The following ICAM5 variants were observed in gnomAD, a reference collection of about 807,000 sequenced individuals.
ICAM5 encodes the protein ICAM-5.
In ICAM5, 38 loss-of-function variants were observed where a neutral mutation model predicts 78.8. The ratio of observed to expected loss-of-function variants is 0.48; its 90% CI spans 0.37 to 0.63. The LOEUF (loss-of-function observed/expected upper bound fraction) is 0.63, where lower values mean the gene tolerates loss of function less well. Ranked by LOEUF, ICAM5 falls within the 30% of genes least tolerant of loss-of-function variation. The pLI is 0.00. For missense variants in ICAM5, 1,059 were observed against 1,303.0 expected (o/e 0.81, Z 2.88); for synonymous variants, 544 against 590.9 (o/e 0.92, Z 1.15).
Position 10,291,112 on chromosome 19 carries a change from C to T in ICAM5, c.123C>T (p.Arg41=). 1 of 1,611,978 alleles carries T rather than the reference C, an allele frequency of 6.2e-7. No individual in the cohort carries two copies. The highest frequency in any genetic ancestry group is 8.5e-7 in the Non-Finnish European group (1 of 1,179,546). Residue 41 remains arginine (R), a synonymous_variant, in exon 2 of 11, where the codon CGC becomes CGT. Transcript: ENST00000221980. ...CCTTCTGGGCGGACCTGCAGCCTCG[C>T]GTGGCGTTCGTGGAGCGCGGGGGCT... The part of the protein sequence containing the change: ...QEPFWADLQP[R]VAFVERGGSL...
At chr19:10,291,010 A>G in intron 1 of ICAM5, 62 bp from the exon 2 acceptor site, 4 of 1,532,336 alleles carry the variant, frequency 2.6e-6, no homozygotes, top group Non-Finnish European at 3.5e-6. Flanking sequence ...TTGACTCGAC[A>G]TAGGGGCGCT....
At position 10,291,804 on chromosome 19, in the gene ICAM5, C is replaced by G; in HGVS notation, c.668C>G (p.Thr223Ser). 6.2e-7 allele frequency: 1 copy of G among 1,609,198 alleles called. No homozygotes were observed. The highest frequency in any genetic ancestry group is 8.5e-7 in the Non-Finnish European group (1 of 1,178,432). The change falls in exon 3 of 11, where the codon ACC (threonine) becomes AGC (serine). Residue 223 changes from threonine (T) to serine (S), a missense_variant. Physicochemically the swap from Thr to Ser is moderately conservative, Grantham distance 58. Coordinates refer to ENST00000221980, the MANE Select transcript of ICAM5 (RefSeq NM_003259.4). ...AGCTCGGCCCCCAGAGAGCTCCGAA[C>G]CTTCTGTGAGTGGGTGTGGGGAGGA... ...ENSSAPRELR[T>S]FSLSPDAPRL... is the part of the protein sequence containing the mutation.
Position 10,291,478 on chromosome 19 carries a change from C to A in ICAM5, c.353-11C>A. Reference sequence around the variant, plus strand: ...GGTGTTCAAAGAGCTGCGGACTCTTCCCCCTTGCAGAGCGACCAGATCGCG... The same window carrying A: ...GGTGTTCAAAGAGCTGCGGACTCTTACCCCTTGCAGAGCGACCAGATCGCG... On this transcript the variant is annotated splice_polypyrimidine_tract_variant and intron_variant, in intron 2 of 10. Transcript: ENST00000221980. 6.2e-7 allele frequency: 1 copy of A among 1,611,956 alleles called. No individual in the cohort carries two copies. The highest frequency in any genetic ancestry group is 8.5e-7 in the Non-Finnish European group (1 of 1,179,650).
At position 10,294,207 on chromosome 19, in the gene ICAM5, C is replaced by T. The variant is rs368353402; in HGVS notation, c.1879C>T (p.Pro627Ser). 2.4e-5 allele frequency: 38 copies of T among 1,613,976 alleles called. No homozygotes were observed. The highest frequency in any genetic ancestry group is 2.9e-5 in the Non-Finnish European group (34 of 1,180,032). Residue 627 changes from proline (P) to serine (S), a missense_variant, in exon 8 of 11, where the codon CCT becomes TCT. Physicochemically the swap from Pro to Ser is moderately conservative, Grantham distance 74 (BLOSUM62 -1). Transcript: ENST00000221980. This position sits in a 1 kb window ranked among gnomAD's most constrained non-coding sequence, Gnocchi z 7.7. ...GVLLPLAPPD[P>S]SPRAPRIPRV... ...GCTGCTGCCGCTGGCACCCCCAGAC[C>T]CTAGTCCCAGAGCTCCCAGAATCCC...
At chr19:10,291,375 A>G (rs867599263) in intron 2 of ICAM5, 34 bp downstream of exon 2, 1 of 1,600,664 alleles carries the variant, frequency 6.2e-7, no homozygotes, top group Non-Finnish European at 8.5e-7. Flanking sequence ...GTACTCCACT[A>G]CTCTCCCTCC....
chr19:10,293,166 G>T lies in ICAM5; in HGVS notation c.1385G>T (p.Arg462Leu). 6.2e-7 allele frequency: 1 copy of T among 1,611,436 alleles called. No individual in the cohort carries two copies. Among genetic ancestry groups the T allele is most frequent in the Non-Finnish European group, 8.5e-7 (1 of 1,179,140 alleles). Residue 462 changes from arginine (R) to leucine (L), a missense_variant, in exon 6 of 11, where the codon CGG becomes CTG. Arg to Leu is a moderately radical substitution (Grantham distance 102). Coordinates refer to ENST00000221980, the MANE Select transcript of ICAM5 (RefSeq NM_003259.4). This position sits in a 1 kb window ranked among gnomAD's most constrained non-coding sequence, Gnocchi z 5.0. ...LALGLLGPVT[R>L]ALSGTYRCKA... ...CTGGGCCTGCTGGGTCCAGTCACTCGGGCGCTCTCAGGCACTTACCGCTGC... is the reference window on the plus strand; with the variant it reads ...CTGGGCCTGCTGGGTCCAGTCACTCTGGCGCTCTCAGGCACTTACCGCTGC...
At position 10,293,675 on chromosome 19, in the gene ICAM5, C is replaced by T. The variant is rs1189165331; in HGVS notation, c.1466-23C>T. 1 of 1,607,158 alleles carries T rather than the reference C, an allele frequency of 6.2e-7. No homozygotes were observed. Among genetic ancestry groups the T allele is most frequent in the Non-Finnish European group, 8.5e-7 (1 of 1,175,298 alleles). On this transcript the variant is annotated intron_variant, in intron 6 of 10. Coordinates refer to ENST00000221980, the MANE Select transcript of ICAM5 (RefSeq NM_003259.4). The surrounding 1 kb of genome is among the most constrained non-coding windows in gnomAD (Gnocchi z 5.0). ...CAGATTTGCCCCCAAACCCCAAAGCCAACAATACACTCCCTCCTCCAGACG... is the reference window on the plus strand; with the variant it reads ...CAGATTTGCCCCCAAACCCCAAAGCTAACAATACACTCCCTCCTCCAGACG...
At position 10,291,828 on chromosome 19, in the gene ICAM5, G is replaced by T. The variant is rs759899104; in HGVS notation, c.673+19G>T. On this transcript the variant is annotated intron_variant, in intron 3 of 10. Transcript: ENST00000221980. ...ACCTTCTGTGAGTGGGTGTGGGGAG[G>T]AGATGGGGACCCAGTGGGGTCGGTC... 1.9e-6 allele frequency: 3 copies of T among 1,601,712 alleles called. No individual in the cohort carries two copies. The highest frequency in any genetic ancestry group is 2.6e-6 in the Non-Finnish European group (3 of 1,174,298).
chr19:10,292,100 G>GAGGAGGAGGAGAGGC lies in ICAM5; in HGVS notation c.739_740insAGGAGGAGGAGAGGC (p.Val247delinsGluGluGluGluArgLeu). On this transcript the variant is annotated protein_altering_variant, in exon 4 of 11. Transcript: ENST00000221980. ...CTTGGAAGTTGGCTCGGAAAGGCCC[G>GAGGAGGAGGAGAGGC]TGAGCTGCACTCTGGACGGACTGTT... The GAGGAGGAGGAGAGGC allele has an allele frequency of 6.2e-7, 1 of 1,613,318 alleles. No homozygotes were observed. The highest frequency in any genetic ancestry group is 8.5e-7 in the Non-Finnish European group (1 of 1,179,986).
rs2040197078 is a variant in ICAM5, at chr19:10,293,814, C to A, written c.1582C>A (p.Arg528Ser). ...ACCGCCGCCTGATGTGATCTGCGTG[C>A]GCTCTGGAGAACTCGGGGCCGTCAT... Reference protein sequence around the residue: ...GVPPPDVICVRSGELGAVIEG... With the variant: ...GVPPPDVICVSSGELGAVIEG... The change falls in exon 7 of 11, where the codon CGC (arginine) becomes AGC (serine). Residue 528 changes from arginine to serine, a missense_variant. By Grantham distance (110) the Arg-to-Ser change is moderately radical (BLOSUM62 -1). Coordinates refer to ENST00000221980, the MANE Select transcript of ICAM5 (RefSeq NM_003259.4). The surrounding 1 kb of genome is among the most constrained non-coding windows in gnomAD (Gnocchi z 5.0). 6.2e-7 allele frequency: 1 copy of A among 1,613,526 alleles called. No individual in the cohort carries two copies. Among genetic ancestry groups the A allele is most frequent in the Non-Finnish European group, 8.5e-7 (1 of 1,180,032 alleles).
chr19:10,294,534 ATGGCC>A lies in ICAM5; in HGVS notation c.2127_2131del (p.Trp709Ter). 1 of 1,609,862 alleles carries A rather than the reference ATGGCC, an allele frequency of 6.2e-7. No homozygotes were observed. The highest frequency in any genetic ancestry group is 8.5e-7 in the Non-Finnish European group (1 of 1,178,150). On this transcript the variant is annotated frameshift_variant, in exon 9 of 11. Coordinates refer to ENST00000221980, the MANE Select transcript of ICAM5 (RefSeq NM_003259.4). LOFTEE classifies it high-confidence loss of function. This position sits in a 1 kb window ranked among gnomAD's most constrained non-coding sequence, Gnocchi z 7.7. ...TGCGCTGCTCTCGGGAAGGCATCCC[ATGGCC>A]TGAGCAGCAGCGCGTGTCCCGAGAG... is the stretch of plus-strand genomic sequence containing the variant.
At position 10,291,569 on chromosome 19, in the gene ICAM5, C is replaced by A; in HGVS notation, c.433C>A (p.Pro145Thr). Residue 145 changes from proline (P) to threonine (T), a missense_variant, in exon 3 of 11, where the codon CCC becomes ACC. Physicochemically the swap from Pro to Thr is conservative, Grantham distance 38. Around this residue, in one of 3 missense-constraint regions of ICAM5, gnomAD observed 815 missense variants for 952.8 expected, o/e 0.86. Transcript: ENST00000221980. ...GAACTTCACCCTGAGCTGTAGGGTC[C>A]CCGGCGCCGGGCCCCGTGCGAGCCT... ...GENFTLSCRV[P>T]GAGPRASLTL... 6.2e-7 allele frequency: 1 copy of A among 1,612,540 alleles called. No individual in the cohort carries two copies. Among genetic ancestry groups the A allele is most frequent in the Non-Finnish European group, 8.5e-7 (1 of 1,179,914 alleles).
In ICAM5 at chr19:10,295,367, T is replaced by G. The variant is rs2040211449; in HGVS notation, c.2252T>G (p.Leu751Arg). Residue 751 changes from leucine (L) to arginine (R), a missense_variant, in exon 10 of 11, where the codon CTT becomes CGT. Coordinates refer to ENST00000221980, the MANE Select transcript of ICAM5 (RefSeq NM_003259.4). ...GVEYRPVVAE[L>R]AASPPGGVRP... Reference sequence around the variant, plus strand: ...TCAGACCGGCCAGTGGTGGCCGAACTTGCTGCCTCGCCCCCTGGAGGCGTG... The same window carrying G: ...TCAGACCGGCCAGTGGTGGCCGAACGTGCTGCCTCGCCCCCTGGAGGCGTG... 6.4e-7 allele frequency: 1 copy of G among 1,572,130 alleles called. No individual in the cohort carries two copies. The highest frequency in any genetic ancestry group is 1.4e-5 in the African/African-American group (1 of 73,818).
Position 10,290,055 on chromosome 19 carries a change from T to C in ICAM5, c.12T>C (p.Pro4=), listed in dbSNP as rs1010491988. Residue 4 remains proline, a synonymous_variant, in exon 1 of 11, where the codon CCT becomes CCC. Coordinates refer to ENST00000221980, the MANE Select transcript of ICAM5 (RefSeq NM_003259.4). The surrounding 1 kb of genome is among the most constrained non-coding windows in gnomAD (Gnocchi z 5.7). MPG[P]SPGLRRALLG... Reference sequence around the variant, plus strand: ...TCCCCGCCGCGGCGATGCCAGGGCCTTCGCCAGGGCTGCGCCGGGCGCTAC... The same window carrying C: ...TCCCCGCCGCGGCGATGCCAGGGCCCTCGCCAGGGCTGCGCCGGGCGCTAC... 1 of 1,541,538 alleles carries C rather than the reference T, an allele frequency of 6.5e-7. No homozygotes were observed. The highest frequency in any genetic ancestry group is 8.7e-7 in the Non-Finnish European group (1 of 1,145,184).
At position 10,296,666 on chromosome 19, in the gene ICAM5, G is replaced by C. The variant is rs1176254057; in HGVS notation, c.*50G>C. 27 of 1,196,220 alleles carry C rather than the reference G, an allele frequency of 2.3e-5. No homozygotes were observed. The highest frequency in any genetic ancestry group is 2.7e-5 in the Non-Finnish European group (26 of 962,342). 74.1% of individuals were successfully genotyped at this position (1,196,220 alleles called of 1,614,324 possible). A position where few individuals can be genotyped will look rare whatever the true frequency, so the allele number is the denominator to read the frequency against. On this transcript the variant is annotated 3_prime_UTR_variant, in exon 11 of 11. Transcript: ENST00000221980. ...CGGGGGACGCCCCCCAGACTCACAC[G>C]GGGGCTTATTTATTGCTTTATTTAT...
Position 10,293,881 on chromosome 19 carries a change from A to T in ICAM5, c.1649A>T (p.Tyr550Phe). The change falls in exon 7 of 11, where the codon TAC (tyrosine) becomes TTC (phenylalanine). Residue 550 changes from tyrosine (Y) to phenylalanine (F), a missense_variant. Tyr to Phe is a conservative substitution (Grantham distance 22). This residue lies in a region of ICAM5 where 815 missense variants were observed against 952.8 expected (regional missense o/e 0.86). Transcript: ENST00000221980. This position sits in a 1 kb window ranked among gnomAD's most constrained non-coding sequence, Gnocchi z 5.0. ...GTGGCCCGGGAGCATGCGGGCACTT[A>T]CCGCTGCGAAGCCACCAACCCTCGG... ...LRVAREHAGT[Y>F]RCEATNPRGS... is the part of the protein sequence containing the mutation. The T allele has an allele frequency of 6.2e-7, 1 of 1,611,554 alleles. No homozygotes were observed. Among genetic ancestry groups the T allele is most frequent in the South Asian group, 1.1e-5 (1 of 91,072 alleles).
At chr19:10,295,035 C>T (rs1388326537) in intron 9 of ICAM5, among the ~76,000 whole-genome samples, 2 of 152,124 alleles carry the variant, frequency 1.3e-5, no homozygotes, top group Non-Finnish European at 2.9e-5. Flanking sequence ...CCAGCCTGGG[C>T]AACAGAGTGA....
rs2040194886 is a variant in ICAM5, at chr19:10,293,642, A to G, written c.1466-56A>G. The G allele has an allele frequency of 2.5e-6, 4 of 1,590,402 alleles. No homozygotes were observed. Among genetic ancestry groups the G allele is most frequent in the Admixed American group, 3.4e-5 (2 of 58,932 alleles). On this transcript the variant is annotated intron_variant, in intron 6 of 10. Transcript: ENST00000221980. This position sits in a 1 kb window ranked among gnomAD's most constrained non-coding sequence, Gnocchi z 5.0. ...AGCCTTGCCGCGCCAAGGAGGGTCTAGGGACGTCAGATTTGCCCCCAAACC... is the reference window on the plus strand; with the variant it reads ...AGCCTTGCCGCGCCAAGGAGGGTCTGGGGACGTCAGATTTGCCCCCAAACC...
Position 10,292,136 on chromosome 19 carries a change from G to A in ICAM5, c.775G>A (p.Glu259Lys). The stretch of plus-strand genomic sequence containing the variant: ...TCTGGACGGACTGTTTCCAGCCTCA[G>A]AGGCCAGGGTCTACCTCGCACTGGG... ...CTLDGLFPAS[E>K]ARVYLALGDQ... The change falls in exon 4 of 11, where the codon GAG (glutamate) becomes AAG (lysine). Residue 259 changes from glutamate to lysine, a missense_variant. Around this residue, in one of 3 missense-constraint regions of ICAM5, gnomAD observed 815 missense variants for 952.8 expected, o/e 0.86. Transcript: ENST00000221980. The A allele has an allele frequency of 6.2e-7, 1 of 1,613,418 alleles. No homozygotes were observed.
Sources: gnomAD v4.1 joint callset for allele counts (sites outside exome capture counted in the v4.1 genomes callset) on GRCh38, gnomAD v4.1.1 for gene constraint, gnomAD v4.1.1 regional missense constraint, Gnocchi (gnomAD v3.1) non-coding constraint, MANE v1.5 for transcripts, NCBI Gene and HGNC (gene_info 2026-07-23, HGNC 2026-07-21) for gene names.